MRE11: variants seen among roughly 807,000 people sequenced by gnomAD.
The protein encoded by MRE11 is double-strand break repair protein MRE11.
Under a neutral mutation model 91.7 loss-of-function variants are expected in MRE11, and 62 were observed. The ratio of observed to expected loss-of-function variants is 0.68; its 90% CI spans 0.55 to 0.84. The LOEUF (loss-of-function observed/expected upper bound fraction) is 0.84. MRE11 is among the 40% of genes least tolerant of loss of function. The pLI is 0.00. For synonymous variants in MRE11, 273 were observed against 271.4 expected (o/e 1.01, Z -0.06); for missense variants, 796 against 852.9 (o/e 0.93, Z 0.83).
chr11:94,480,091 G>A (rs1163961503), intron 4 of MRE11, among the ~76,000 whole-genome samples: 1 of 152,084 alleles, frequency 6.6e-6, no homozygotes, highest in East Asian at 1.9e-4. Context: ...GTAGTGGGGG[G>A]AGGGAAGAAA....
intron 4 of MRE11, among the ~76,000 whole-genome samples, chr11:94,480,741 T>C (rs992813383): frequency 2.6e-5 from 4 of 152,200 alleles, no homozygotes; most frequent in Non-Finnish European, 4.4e-5. Flanking sequence ...ACACAGTAGG[T>C]CATCCAGCTC....
chr11:94,457,586 C>T (rs777281022), intron 13 of MRE11, among the ~76,000 whole-genome samples: 12 of 152,016 alleles, frequency 7.9e-5, no homozygotes, highest in Non-Finnish European at 1.3e-4. Flanking sequence ...AGGTGCTAAG[C>T]CATTCACAGA....
At chr11:94,486,231 C>T (rs1418101979) in intron 3 of MRE11, 147 bp from the exon 4 acceptor site, 1 of 768,924 alleles carries the variant, frequency 1.3e-6, no homozygotes, top group Non-Finnish European at 2.0e-6. Flanking sequence ...TTCAAAGGGA[C>T]TTTCAATCTG....
At chr11:94,489,138 C>T (rs1203381948) in intron 3 of MRE11, among the ~76,000 whole-genome samples, 1 of 151,672 alleles carries the variant, frequency 6.6e-6, no homozygotes, top group Non-Finnish European at 1.5e-5. Context: ...TCAGATAGTG[C>T]TATTAAAAAT....
At chr11:94,482,257 T>G (rs1325342835) in intron 4 of MRE11, among the ~76,000 whole-genome samples, 3 of 152,226 alleles carry the variant, frequency 2.0e-5, no homozygotes, top group Non-Finnish European at 4.4e-5. Context: ...TCCCATGTTA[T>G]GAAGGACAGA....
chr11:94,430,023 C>G, intron 18 of MRE11, 37 bp from the exon 19 acceptor site: 1 of 1,597,776 alleles, frequency 6.3e-7, no homozygotes, highest in Middle Eastern at 1.7e-4. Flanking sequence ...ACACAATGAA[C>G]TACATAATTC....
At chr11:94,436,135 C>A (rs1009162611) in intron 17 of MRE11, among the ~76,000 whole-genome samples, 1 of 152,170 alleles carries the variant, frequency 6.6e-6, no homozygotes, top group Non-Finnish European at 1.5e-5. Context: ...GGAGCCTGAG[C>A]ACCTAAGGGA....
the MRE11 span, among the ~76,000 whole-genome samples, chr11:94,504,752 C>G: frequency 2.0e-5 from 3 of 152,294 alleles, no homozygotes; most frequent in South Asian, 4.1e-4. Context: ...GAATTAAACA[C>G]AAGTAATATG....
chr11:94,437,957 T>G (rs1203766880), intron 16 of MRE11, among the ~76,000 whole-genome samples: 2 of 151,850 alleles, frequency 1.3e-5, no homozygotes, highest in African/African-American at 4.8e-5. Flanking sequence ...AAACCCCAAC[T>G]CTACTAAAAA....
rs1048072580 is a variant in MRE11 at position 94,418,839 on chromosome 11, G to T, written c.*1286C>A. 4.3e-6 allele frequency: 1 copy of T among 231,006 alleles called. No homozygotes were observed. The highest frequency in any genetic ancestry group is 8.6e-6 in the Non-Finnish European group (1 of 116,816). The allele number at this position is 231,006 out of a possible 1,614,324, so 14.3% of individuals were successfully genotyped here. On this transcript the variant is annotated 3_prime_UTR_variant, in exon 20 of 20. Transcript: ENST00000323929. ...AATAGAATGTTATATTGCAAGTTTT[G>T]ACTTAGGCCTCTTCAAAAGTGCTAT...
intron 16 of MRE11, among the ~76,000 whole-genome samples, chr11:94,442,703 T>C (rs893424993): frequency 7.9e-5 from 12 of 152,232 alleles, no homozygotes; most frequent in African/African-American, 2.2e-4. Context: ...TTTTGATCAT[T>C]TAATCTTCAG....
chr11:94,461,256 T>C (rs976666658), intron 11 of MRE11, among the ~76,000 whole-genome samples: 1 of 152,210 alleles, frequency 6.6e-6, no homozygotes, highest in Non-Finnish European at 1.5e-5. Context: ...ATAGGTGTCT[T>C]GTAGCTGTTC....
At chr11:94,446,465 G>A (rs563173683) in intron 15 of MRE11, among the ~76,000 whole-genome samples, 52 of 152,202 alleles carry the variant, frequency 3.4e-4, no homozygotes, top group Admixed American at 3.1e-3. Context: ...TTTTGTAAAT[G>A]TAAGAATAGT....
chr11:94,457,730 A>G (rs1946290156), intron 13 of MRE11, among the ~76,000 whole-genome samples: 1 of 152,092 alleles, frequency 6.6e-6, no homozygotes, highest in African/African-American at 2.4e-5. Context: ...TCACCATTTT[A>G]TCCTCAGATG....
At chr11:94,436,775 A>G (rs1431693723) in intron 17 of MRE11, among the ~76,000 whole-genome samples, 1 of 152,230 alleles carries the variant, frequency 6.6e-6, no homozygotes, top group Non-Finnish European at 1.5e-5. Flanking sequence ...CTTTTCATTC[A>G]TCTTAAGTCT....
Position 94,459,500 on chromosome 11 carries a change from T to C in MRE11, c.1408A>G (p.Ile470Val), listed in dbSNP as rs1555009360. Residue 470 changes from isoleucine (I) to valine (V), a missense_variant, in exon 13 of 20, where the codon ATT becomes GTT. Ile to Val is a conservative substitution (Grantham distance 29). Transcript: ENST00000323929. Reference sequence around the variant, plus strand: ...AACTGGTATTTCACTAATTCCTCAATGGCATCTTTCTCCTCCTTGTCCACA... The same window carrying C: ...AACTGGTATTTCACTAATTCCTCAACGGCATCTTTCTCCTCCTTGTCCACA... ...EFVDKEEKDA[I>V]EELVKYQLEK... 1.2e-6 allele frequency: 2 copies of C among 1,614,070 alleles called. No individual in the cohort carries two copies. Among genetic ancestry groups the C allele is most frequent in the South Asian group, 1.1e-5 (1 of 91,086 alleles).
intron 16 of MRE11, among the ~76,000 whole-genome samples, 160 bp from the exon 17 acceptor site, chr11:94,437,395 A>G (rs1423911274): frequency 6.6e-6 from 1 of 152,248 alleles, no homozygotes; most frequent in African/African-American, 2.4e-5. Context: ...AAAGGGAGAT[A>G]GAATTATAGG....
chr11:94,439,360 A>C (rs934349630), intron 16 of MRE11, among the ~76,000 whole-genome samples: 6 of 152,210 alleles, frequency 3.9e-5, no homozygotes, highest in Non-Finnish European at 7.3e-5. Context: ...TTTTTCAAAA[A>C]AAGGCCTAGT....
intron 16 of MRE11, among the ~76,000 whole-genome samples, 186 bp from the exon 17 acceptor site, chr11:94,437,421 G>A (rs1945650826): frequency 6.6e-6 from 1 of 152,112 alleles, no homozygotes. Context: ...ATAACTCAAT[G>A]CCCAACTGTC....
Sources: gnomAD v4.1 joint callset for allele counts (sites outside exome capture counted in the v4.1 genomes callset) on GRCh38, gnomAD v4.1.1 for gene constraint, MANE v1.5 for transcripts, NCBI Gene and HGNC (gene_info 2026-07-23, HGNC 2026-07-21) for gene names.